MAGI2: variants seen among roughly 807,000 people sequenced by gnomAD.
The protein encoded by MAGI2 is membrane-associated guanylate kinase, WW and PDZ domain-containing protein 2.
A neutral mutation model predicts 133.3 loss-of-function variants in MAGI2; 35 were observed. The observed-to-expected ratio is 0.26, with a 90% confidence interval of 0.20 to 0.35. MAGI2 has a LOEUF of 0.35. Among genes scored for constraint, MAGI2 ranks in the 10% least tolerant of loss-of-function variants. The pLI, the probability that MAGI2 is intolerant of heterozygous loss-of-function variation, is 1.00. For synonymous variants in MAGI2, 729 were observed against 710.6 expected (o/e 1.03, Z -0.41); for missense variants, 1,636 against 1,863.4 (o/e 0.88, Z 2.25).
At chr7:78,325,252 G>A (rs997981553) in intron 9 of MAGI2, among the ~76,000 whole-genome samples, 2 of 152,066 alleles carry the variant, frequency 1.3e-5, no homozygotes, top group Admixed American at 6.6e-5. Context: ...ACCAAAAAGG[G>A]AATCATAAAA....
intron 10 of MAGI2, among the ~76,000 whole-genome samples, chr7:78,229,256 T>C (rs1247118666): frequency 2.0e-5 from 3 of 152,236 alleles, no homozygotes; most frequent in Non-Finnish European, 4.4e-5. Flanking sequence ...GTGGATTTTC[T>C]TGTTTAGTCC....
At position 78,722,666 on chromosome 7, in the gene MAGI2, C is replaced by T. The variant is rs544650997; in HGVS notation, c.419-95427G>A. 3.9e-5 allele frequency among the ~76,000 whole-genome samples: 6 copies of T among 152,126 alleles called. No individual in the cohort carries two copies. In the East Asian group the frequency reaches 5.8e-4, roughly 15 times the overall value. On this transcript the variant is annotated intron_variant, in intron 2 of 21. Coordinates refer to ENST00000354212, the MANE Select transcript of MAGI2 (RefSeq NM_012301.4). ...CTCAGTGTGATATATCAGTTAATAA[C>T]GTAAGCAGTAAGACACGGGCTAAAT...
chr7:79,416,699 T>C (rs1846537779), intron 1 of MAGI2, among the ~76,000 whole-genome samples: 1 of 150,912 alleles, frequency 6.6e-6, no homozygotes, highest in African/African-American at 2.4e-5. Context: ...AGGTCCATTG[T>C]TTCTTTTTTC....
intron 2 of MAGI2, among the ~76,000 whole-genome samples, chr7:78,900,319 C>T (rs552908418): frequency 2.0e-5 from 3 of 152,252 alleles, no homozygotes; most frequent in Admixed American, 6.5e-5. Context: ...ACTCTCGAAA[C>T]TCTCCTTTGA....
intron 21 of MAGI2, among the ~76,000 whole-genome samples, chr7:78,038,320 G>T (rs956567084): frequency 3.9e-5 from 6 of 152,052 alleles, no homozygotes; most frequent in African/African-American, 1.5e-4. Context: ...TGAATATGGC[G>T]TATGTGTATA....
In MAGI2 at chr7:78,668,911, A is replaced by G. The variant is rs186620702; in HGVS notation, c.419-41672T>C. 5.7e-3 allele frequency among the ~76,000 whole-genome samples: 874 copies of G among 152,100 alleles called. 8 individuals carry two copies. Among genetic ancestry groups the G allele is most frequent in the African/African-American group, 0.02 (821 of 41,404 alleles). On this transcript the variant is annotated intron_variant, in intron 2 of 21. Coordinates refer to ENST00000354212, the MANE Select transcript of MAGI2 (RefSeq NM_012301.4). ...CAACATACCAGAATCTCTGGGACGCATTCAAAGCAGTGCGCAGAGGGAAAT... is the reference window on the plus strand; with the variant it reads ...CAACATACCAGAATCTCTGGGACGCGTTCAAAGCAGTGCGCAGAGGGAAAT...
chr7:78,506,875 T>C (rs2110630), intron 4 of MAGI2, among the ~76,000 whole-genome samples: 104,802 of 152,170 alleles, frequency 0.69, 36,911 homozygotes, highest in African/African-American at 0.84. Context: ...ACTTTCCTTC[T>C]ACTGTATAAT....
At chr7:78,988,719 A>C (rs1258653815) in intron 2 of MAGI2, among the ~76,000 whole-genome samples, 1 of 152,084 alleles carries the variant, frequency 6.6e-6, no homozygotes, top group East Asian at 1.9e-4. Context: ...CTATAGCCCC[A>C]TAATTACAAT....
At chr7:79,404,212 T>C (rs575955094) in intron 1 of MAGI2, among the ~76,000 whole-genome samples, 2 of 152,282 alleles carry the variant, frequency 1.3e-5, no homozygotes, top group South Asian at 2.1e-4. Flanking sequence ...TATAGTCTTA[T>C]TAATATTTGT....
intron 1 of MAGI2, among the ~76,000 whole-genome samples, chr7:79,377,778 G>T (rs1429005415): frequency 6.6e-6 from 1 of 151,750 alleles, no homozygotes; most frequent in Non-Finnish European, 1.5e-5. Context: ...TACAACAAAA[G>T]TAGGAGATAA....
intron 6 of MAGI2, among the ~76,000 whole-genome samples, chr7:78,436,789 G>A (rs368011265): frequency 4.6e-5 from 7 of 152,100 alleles, no homozygotes; most frequent in South Asian, 2.1e-4. Flanking sequence ...GCTCCCAGCC[G>A]CATCCCCAAG....
intron 4 of MAGI2, among the ~76,000 whole-genome samples, chr7:78,513,222 A>G (rs61051787): frequency 3.3e-5 from 5 of 152,148 alleles, no homozygotes; most frequent in African/African-American, 9.7e-5. Context: ...AATTAGGAAG[A>G]CTTTAAATTT....
chr7:79,281,658 G>T (rs1406157), intron 1 of MAGI2, among the ~76,000 whole-genome samples: 1 of 151,910 alleles, frequency 6.6e-6, no homozygotes, highest in Admixed American at 6.6e-5. Context: ...TTCAAAGGAC[G>T]TCTGGGTAAA....
intron 16 of MAGI2, among the ~76,000 whole-genome samples, chr7:78,155,245 T>A (rs1477444834): frequency 2.0e-5 from 3 of 152,196 alleles, no homozygotes; most frequent in Non-Finnish European, 4.4e-5. Flanking sequence ...TGTTAAGGTC[T>A]GAAACAAATA....
intron 1 of MAGI2, among the ~76,000 whole-genome samples, chr7:79,233,145 TGTGGTCTGAGAGATA>T (rs1294114769): frequency 7.4e-6 from 1 of 134,792 alleles, no homozygotes; most frequent in African/African-American, 2.9e-5. Flanking sequence ...TTGATTGCAC[TGTGGTCTGAGAGATA>T]GTTTGTTATA....
chr7:79,013,864 C>T (rs1391577514), intron 1 of MAGI2, among the ~76,000 whole-genome samples: 1 of 152,118 alleles, frequency 6.6e-6, no homozygotes, highest in Non-Finnish European at 1.5e-5. Context: ...AGCCATAAAG[C>T]TCATTGAAGA....
intron 9 of MAGI2, among the ~76,000 whole-genome samples, chr7:78,326,909 G>C (rs1323976433): frequency 6.6e-6 from 1 of 152,116 alleles, no homozygotes; most frequent in Admixed American, 6.5e-5. Context: ...CAGTGTGTTA[G>C]GGGCAGAGAG....
intron 1 of MAGI2, among the ~76,000 whole-genome samples, chr7:79,238,069 G>C (rs1832075987): frequency 6.6e-6 from 1 of 152,138 alleles, no homozygotes; most frequent in Admixed American, 6.6e-5. Flanking sequence ...TTTATTATAA[G>C]AGTTACAAAT....
chr7:78,170,050 T>C (rs1333383042), intron 14 of MAGI2: 1 of 152,246 alleles, frequency 6.6e-6, no homozygotes, highest in East Asian at 1.9e-4. Context: ...TGGTTTGGCC[T>C]TAAGAAAATG....
Sources: gnomAD v4.1 joint callset for allele counts (sites outside exome capture counted in the v4.1 genomes callset) on GRCh38, gnomAD v4.1.1 for gene constraint, MANE v1.5 for transcripts, NCBI Gene and HGNC (gene_info 2026-07-23, HGNC 2026-07-21) for gene names.